Variants in AK9 observed in about 807,000 individuals in gnomAD.
AK9 encodes adenylate kinase 9, also known as adenylate kinase domain containing 1.
A neutral mutation model predicts 239.6 loss-of-function variants in AK9; 191 were observed. That is an observed-to-expected ratio of 0.80 (90% CI 0.71 to 0.90). The LOEUF is 0.90. Among genes scored for constraint, AK9 ranks in the 40% least tolerant of loss-of-function variants. AK9 has a pLI of 0.00. For synonymous variants in AK9, 689 were observed against 721.0 expected (o/e 0.96, Z 0.71); for missense variants, 1,995 against 2,214.7 (o/e 0.90, Z 1.99).
chr6:109,650,301 C>G (rs4496835), intron 8 of AK9, among the ~76,000 whole-genome samples: 2 of 151,818 alleles, frequency 1.3e-5, no homozygotes, highest in East Asian at 3.9e-4. Flanking sequence ...AACAGGCAAC[C>G]TACAGAATGG....
At chr6:109,600,792 C>G (rs924031238) in intron 17 of AK9, among the ~76,000 whole-genome samples, 1 of 152,166 alleles carries the variant, frequency 6.6e-6, no homozygotes, top group Non-Finnish European at 1.5e-5. Flanking sequence ...CAACTTCTTC[C>G]TGGTTTAGTC....
chr6:109,618,212 G>A (rs1024791894), intron 13 of AK9, among the ~76,000 whole-genome samples: 1 of 152,090 alleles, frequency 6.6e-6, no homozygotes, highest in Admixed American at 6.6e-5. Flanking sequence ...TTTGGATTTA[G>A]ATTTTTGAAA....
rs150041191 is a variant in AK9 at position 109,618,471 on chromosome 6, A to G, written c.1399+621T>C. Among the ~76,000 whole-genome samples, 24 of 151,126 alleles carry G rather than the reference A, an allele frequency of 1.6e-4. No individual in the cohort carries two copies. The East Asian group carries it at 4.3e-3, about 27-fold the overall frequency. Reference sequence around the variant, plus strand: ...CGCTTTTTGTCTATTCTGCAATGTGATCAACAGTCAGTGAGACACAGGAAG... The same window carrying G: ...CGCTTTTTGTCTATTCTGCAATGTGGTCAACAGTCAGTGAGACACAGGAAG... On this transcript the variant is annotated intron_variant, in intron 13 of 40. Transcript: ENST00000424296.
Position 109,642,619 on chromosome 6 carries a change from T to G in AK9, c.835-1003A>C, listed in dbSNP as rs79541579. ...TACCTTGAGGAAAGTGTGTCCCAGGTAGTAAAAAGTGGTAGAATTCTGGCC... is the reference window on the plus strand; with the variant it reads ...TACCTTGAGGAAAGTGTGTCCCAGGGAGTAAAAAGTGGTAGAATTCTGGCC... On this transcript the variant is annotated intron_variant, in intron 9 of 40. Coordinates refer to ENST00000424296, the MANE Select transcript of AK9 (RefSeq NM_001145128.3). Among the ~76,000 whole-genome samples the G allele has an allele frequency of 2.4e-4, 37 of 151,890 alleles. 1 individual carries two copies. In the East Asian group the frequency reaches 7.2e-3, roughly 29 times the overall value.
In AK9 at chr6:109,673,668, C is replaced by T. The variant is rs562664764; in HGVS notation, c.181+530G>A. On this transcript the variant is annotated intron_variant, in intron 3 of 40. Coordinates refer to ENST00000424296, the MANE Select transcript of AK9 (RefSeq NM_001145128.3). Reference sequence around the variant, plus strand: ...CTAAGAAAAGCTGTGAGAGTTCCATCTCATTTGAGCTTTCATAAAAAGACA... The same window carrying T: ...CTAAGAAAAGCTGTGAGAGTTCCATTTCATTTGAGCTTTCATAAAAAGACA... Among the ~76,000 whole-genome samples, 85 of 152,168 alleles carry T rather than the reference C, an allele frequency of 5.6e-4. 4 individuals carry two copies. The highest frequency in any genetic ancestry group is 3.7e-3 in the South Asian group (18 of 4,828).
At chr6:109,563,781 C>A in intron 23 of AK9, 69 bp from the exon 24 acceptor site, 1 of 1,429,314 alleles carries the variant, frequency 7.0e-7, no homozygotes, top group South Asian at 1.4e-5. Context: ...TTACTATAGT[C>A]AAATGTTGGG....
At chr6:109,576,661 TA>T (rs1446511689) in intron 20 of AK9, among the ~76,000 whole-genome samples, 2 of 152,008 alleles carry the variant, frequency 1.3e-5, no homozygotes, top group Non-Finnish European at 2.9e-5. Context: ...TTTACTGATT[TA>T]AATGCTCTTT....
At chr6:109,618,432 A>G (rs2128246711) in intron 13 of AK9, among the ~76,000 whole-genome samples, 1 of 150,000 alleles carries the variant, frequency 6.7e-6, no homozygotes, top group Non-Finnish European at 1.5e-5. Context: ...AAAAACAGAA[A>G]AAAAAAAACA....
intron 26 of AK9, among the ~76,000 whole-genome samples, chr6:109,545,269 C>T (rs561596130): frequency 1.3e-5 from 2 of 152,208 alleles, no homozygotes; most frequent in Admixed American, 6.5e-5. Flanking sequence ...GCAAGACCCC[C>T]ATCTCTACAA....
In AK9 at chr6:109,497,940, T is replaced by C; in HGVS notation, c.5072A>G (p.Tyr1691Cys). The C allele has an allele frequency of 6.2e-7, 1 of 1,614,088 alleles. No individual in the cohort carries two copies. Among genetic ancestry groups the C allele is most frequent in the South Asian group, 1.1e-5 (1 of 91,068 alleles). The change falls in exon 37 of 41, where the codon TAC (tyrosine) becomes TGC (cysteine). Residue 1691 changes from tyrosine to cysteine, a missense_variant. By Grantham distance (194) the Tyr-to-Cys change is radical. Transcript: ENST00000424296. Reference sequence around the variant, plus strand: ...TGGATGAGGTGCTAAGGGAGGCACGTACAATTCTGGGTTCTCCAAGAATTT... The same window carrying C: ...TGGATGAGGTGCTAAGGGAGGCACGCACAATTCTGGGTTCTCCAAGAATTT... Reference protein sequence around the residue: ...LNKFLENPELYVPPLAPHPLP... With the variant: ...LNKFLENPELCVPPLAPHPLP...
At chr6:109,622,664 G>A (rs1412023160) in intron 12 of AK9, among the ~76,000 whole-genome samples, 1 of 147,412 alleles carries the variant, frequency 6.8e-6, no homozygotes, top group Non-Finnish European at 1.5e-5. Flanking sequence ...TAGACATAAT[G>A]TATACATATA....
chr6:109,517,096 G>A (rs1779354511), intron 29 of AK9, among the ~76,000 whole-genome samples: 1 of 152,088 alleles, frequency 6.6e-6, no homozygotes, highest in Non-Finnish European at 1.5e-5. Context: ...TGTGGAGCGG[G>A]TTCACTGTCT....
At chr6:109,625,494 G>C (rs536213493) in intron 12 of AK9, among the ~76,000 whole-genome samples, 3 of 152,312 alleles carry the variant, frequency 2.0e-5, no homozygotes, top group Admixed American at 1.3e-4. Flanking sequence ...GGAGGTGAGC[G>C]GTCGATGAGC....
intron 24 of AK9, among the ~76,000 whole-genome samples, chr6:109,551,502 A>T (rs1383643659): frequency 2.9e-5 from 4 of 140,116 alleles, no homozygotes; most frequent in Admixed American, 1.5e-4. Flanking sequence ...AGGGTGACAG[A>T]GTGAGACTCC....
intron 24 of AK9, among the ~76,000 whole-genome samples, chr6:109,560,121 T>C (rs1224793047): frequency 1.3e-5 from 2 of 152,248 alleles, no homozygotes; most frequent in Non-Finnish European, 2.9e-5. Flanking sequence ...CTTTTTGCCA[T>C]ATAAGGTAAC....
intron 12 of AK9, chr6:109,632,054 T>G: frequency 3.9e-5 from 24 of 621,202 alleles, no homozygotes; most frequent in South Asian, 7.1e-5. Flanking sequence ...AGAAGAAACA[T>G]GAGAGGGCGT....
chr6:109,546,119 T>C lies in AK9; in HGVS notation c.2973A>G (p.Pro991=). ...GGGGGCCGACAAGGCATATTCTTAA[T>C]GGAGGAGCCTGTCACAGGGGGTGGG... ...VAHEEPLKAP[P]LRICLVGPQG... Residue 991 remains proline (P), a synonymous_variant, in exon 26 of 41, where the codon CCA becomes CCG. Transcript: ENST00000424296. 2 of 1,107,164 alleles carry C rather than the reference T, an allele frequency of 1.8e-6. No homozygotes were observed. The allele number at this position is 1,107,164 out of a possible 1,614,324, so 68.6% of individuals were successfully genotyped here.
In AK9 at chr6:109,550,084, T is replaced by C. The variant is rs1562392051; in HGVS notation, c.2964+6A>G. On this transcript the variant is annotated splice_donor_region_variant and intron_variant, in intron 25 of 40. Transcript: ENST00000424296. ...AGCAATCATTAAGATAGGAATACTG[T>C]CTCACCTTCAATGGTTCTTCATGAG... The C allele has an allele frequency of 6.2e-7, 1 of 1,613,264 alleles. No homozygotes were observed. Among genetic ancestry groups the C allele is most frequent in the Admixed American group, 1.7e-5 (1 of 59,920 alleles).
At chr6:109,553,086 C>T (rs1784548845) in intron 24 of AK9, among the ~76,000 whole-genome samples, 1 of 152,098 alleles carries the variant, frequency 6.6e-6, no homozygotes, top group African/African-American at 2.4e-5. Flanking sequence ...GTACCAGTAC[C>T]ATGCTGTTTT....
Sources: gnomAD v4.1 joint callset for allele counts (sites outside exome capture counted in the v4.1 genomes callset) on GRCh38, gnomAD v4.1.1 for gene constraint, MANE v1.5 for transcripts, NCBI Gene and HGNC (gene_info 2026-07-23, HGNC 2026-07-21) for gene names.